Variants in NKAIN2 observed in about 807,000 individuals in gnomAD.
NKAIN2 encodes the protein sodium/potassium transporting ATPase interacting 2.
In NKAIN2, 14 loss-of-function variants were observed where a neutral mutation model predicts 32.6. The observed-to-expected ratio is 0.43, with a 90% CI of 0.28 to 0.67. NKAIN2 has a LOEUF of 0.67. Ranked by LOEUF, NKAIN2 falls within the 30% of genes least tolerant of loss-of-function variation. NKAIN2 has a pLI of 0.17. For missense variants in NKAIN2, 198 were observed against 258.3 expected, an observed-to-expected ratio of 0.77 and a Z score of 1.60; for synonymous variants, 80 against 87.2, an observed-to-expected ratio of 0.92 and a Z score of 0.46.
At chr6:124,650,078 A>C (rs981931350) in intron 3 of NKAIN2, among the ~76,000 whole-genome samples, 4 of 152,220 alleles carry the variant, frequency 2.6e-5, no homozygotes, top group Non-Finnish European at 4.4e-5. Flanking sequence ...TTTTCTACTA[A>C]GATCAGGAAC....
rs1320620388 is a variant in NKAIN2 at position 124,577,675 on chromosome 6, G to A, written c.274-80511G>A. Reference sequence around the variant, plus strand: ...TGGGCAAGTTCTGGTGCTGTGCTTCGCTCACAGCCAGTGGATTTAGGGGTA... The same window carrying A: ...TGGGCAAGTTCTGGTGCTGTGCTTCACTCACAGCCAGTGGATTTAGGGGTA... On this transcript the variant is annotated intron_variant, in intron 3 of 6. Coordinates refer to ENST00000368417, the MANE Select transcript of NKAIN2 (RefSeq NM_001040214.3). Among the ~76,000 whole-genome samples, 6 of 151,910 alleles carry A rather than the reference G, an allele frequency of 3.9e-5. No individual in the cohort carries two copies. In the South Asian group the frequency reaches 8.3e-4, roughly 21 times the overall value.
chr6:124,344,798 T>G (rs900253949), intron 2 of NKAIN2, among the ~76,000 whole-genome samples: 3 of 152,224 alleles, frequency 2.0e-5, no homozygotes, highest in African/African-American at 7.2e-5. Context: ...TTTGACTTCC[T>G]CTTTTCCTAA....
chr6:124,038,243 GT>G (rs201559944), intron 1 of NKAIN2, among the ~76,000 whole-genome samples: 122 of 146,132 alleles, frequency 8.3e-4, no homozygotes, highest in African/African-American at 1.6e-3. Context: ...GATGTGAAAA[GT>G]TTTTTTTTTT....
At chr6:123,976,617 G>A (rs1489063362) in intron 1 of NKAIN2, among the ~76,000 whole-genome samples, 1 of 151,290 alleles carries the variant, frequency 6.6e-6, no homozygotes, top group East Asian at 2.0e-4. Context: ...ATGGAGGACA[G>A]TCTGCTTTAT....
intron 3 of NKAIN2, among the ~76,000 whole-genome samples, chr6:124,498,058 A>G (rs1344804866): frequency 2.6e-5 from 4 of 152,160 alleles, no homozygotes; most frequent in Non-Finnish European, 4.4e-5. Flanking sequence ...GAATATATAT[A>G]GTTGAGAAGA....
intron 1 of NKAIN2, among the ~76,000 whole-genome samples, chr6:124,242,413 T>C (rs577377356): frequency 1.3e-5 from 2 of 152,166 alleles, no homozygotes; most frequent in Non-Finnish European, 2.9e-5. Context: ...GGAGAGGATG[T>C]GGAGAAATAG....
chr6:124,514,129 A>G (rs968053527), intron 3 of NKAIN2, among the ~76,000 whole-genome samples: 1 of 152,218 alleles, frequency 6.6e-6, no homozygotes, highest in Admixed American at 6.5e-5. Flanking sequence ...ACACATGTGC[A>G]CAAAACTGGC....
At chr6:124,207,579 T>C (rs1169700976) in intron 1 of NKAIN2, among the ~76,000 whole-genome samples, 2 of 151,698 alleles carry the variant, frequency 1.3e-5, no homozygotes, top group Admixed American at 6.6e-5. Context: ...TTTGTTTAAA[T>C]GTTATGTTTA....
At chr6:124,352,503 A>G (rs1446906035) in intron 2 of NKAIN2, among the ~76,000 whole-genome samples, 5 of 152,220 alleles carry the variant, frequency 3.3e-5, no homozygotes, top group African/African-American at 4.8e-5. Flanking sequence ...GACATTTTTA[A>G]ATACTATATT....
chr6:124,204,653 A>C (rs1790767141), intron 1 of NKAIN2, among the ~76,000 whole-genome samples: 1 of 151,930 alleles, frequency 6.6e-6, no homozygotes, highest in African/African-American at 2.4e-5. Context: ...ATCAAGAAGT[A>C]TATTTTAATA....
At chr6:123,889,661 A>G (rs937220868) in intron 1 of NKAIN2, among the ~76,000 whole-genome samples, 3 of 152,180 alleles carry the variant, frequency 2.0e-5, no homozygotes, top group African/African-American at 7.2e-5. Context: ...CTTTTGTTGA[A>G]GTAATAGTTT....
At chr6:124,617,076 C>T (rs983233547) in intron 3 of NKAIN2, among the ~76,000 whole-genome samples, 5 of 152,124 alleles carry the variant, frequency 3.3e-5, no homozygotes, top group African/African-American at 1.2e-4. Flanking sequence ...TAAACTTAGG[C>T]AAGATGTTTA....
chr6:123,867,418 A>C (rs926609404), intron 1 of NKAIN2, among the ~76,000 whole-genome samples: 4 of 152,220 alleles, frequency 2.6e-5, no homozygotes, highest in Non-Finnish European at 1.5e-5. Flanking sequence ...AAAAGTTATG[A>C]AATCAGATTA....
chr6:124,012,933 A>G (rs986565156), intron 1 of NKAIN2, among the ~76,000 whole-genome samples: 1 of 152,084 alleles, frequency 6.6e-6, no homozygotes, highest in African/African-American at 2.4e-5. Flanking sequence ...CAGTTGTTTC[A>G]TTTTACATTT....
At chr6:123,913,202 G>T (rs2114464949) in intron 1 of NKAIN2, among the ~76,000 whole-genome samples, 1 of 152,234 alleles carries the variant, frequency 6.6e-6, no homozygotes, top group South Asian at 2.1e-4. Flanking sequence ...TGCCAAGAGT[G>T]ATTGGGAAAG....
In NKAIN2 at chr6:123,944,053, A is replaced by G. The variant is rs143261924; in HGVS notation, c.54+139799A>G. 1.4e-4 allele frequency among the ~76,000 whole-genome samples: 22 copies of G among 152,132 alleles called. No individual in the cohort carries two copies. The East Asian group carries it at 2.3e-3, about 16-fold the overall frequency. ...TCTTTGATGTTCTCTCTATAGTCCTAGGGAATAACTCTGGTTTCTTTAAAA... is the reference window on the plus strand; with the variant it reads ...TCTTTGATGTTCTCTCTATAGTCCTGGGGAATAACTCTGGTTTCTTTAAAA... On this transcript the variant is annotated intron_variant, in intron 1 of 6. Transcript: ENST00000368417.
chr6:124,687,528 A>G, intron 4 of NKAIN2, among the ~76,000 whole-genome samples: 1 of 48,612 alleles, frequency 2.1e-5, no homozygotes, highest in Admixed American at 1.8e-4. Context: ...ATACATATAC[A>G]TACATGGTAT....
intron 2 of NKAIN2, among the ~76,000 whole-genome samples, chr6:124,290,021 T>C (rs896047048): frequency 1.3e-5 from 2 of 151,126 alleles, no homozygotes; most frequent in Non-Finnish European, 2.9e-5. Context: ...TGAAAATAAG[T>C]CTTTTCCCAT....
chr6:123,981,525 G>A (rs1490501761), intron 1 of NKAIN2, among the ~76,000 whole-genome samples: 1 of 152,016 alleles, frequency 6.6e-6, no homozygotes, highest in African/African-American at 2.4e-5. Context: ...GTTTCCAGTC[G>A]CTTTCATTCC....
Sources: gnomAD v4.1 joint callset for allele counts (sites outside exome capture counted in the v4.1 genomes callset) on GRCh38, gnomAD v4.1.1 for gene constraint, MANE v1.5 for transcripts, NCBI Gene and HGNC (gene_info 2026-07-23, HGNC 2026-07-21) for gene names.